ZNF385B: variants seen among roughly 807,000 people sequenced by gnomAD.
ZNF385B encodes the protein zinc finger protein 385B, also known as zinc finger protein 533.
A neutral mutation model predicts 39.2 loss-of-function variants in ZNF385B; 23 were observed. That is an observed-to-expected ratio of 0.59 (90% CI 0.42 to 0.83). ZNF385B has a LOEUF of 0.83. Among genes scored for constraint, ZNF385B ranks in the 40% least tolerant of loss-of-function variants. ZNF385B has a pLI of 0.00. For synonymous variants in ZNF385B, 205 were observed against 222.6 expected (o/e 0.92, Z 0.70); for missense variants, 552 against 598.9 (o/e 0.92, Z 0.82).
At chr2:179,733,314 C>T (rs1356207239) in intron 3 of ZNF385B, among the ~76,000 whole-genome samples, 1 of 152,206 alleles carries the variant, frequency 6.6e-6, no homozygotes, top group African/African-American at 2.4e-5. Context: ...TTTTCCCATC[C>T]ATTAACTGTG....
intron 3 of ZNF385B, among the ~76,000 whole-genome samples, chr2:179,626,328 A>T (rs1339152788): frequency 1.3e-5 from 2 of 152,178 alleles, no homozygotes. Flanking sequence ...GGGTAAAACT[A>T]TTCTTTTAAA....
At chr2:179,855,933 G>A (rs1684558236) in intron 1 of ZNF385B, among the ~76,000 whole-genome samples, 1 of 152,144 alleles carries the variant, frequency 6.6e-6, no homozygotes, top group Admixed American at 6.5e-5. Context: ...CAAATCTGGT[G>A]GTGAGTGGCT....
Position 179,503,156 on chromosome 2 carries a change from T to C in ZNF385B, c.552+15372A>G, listed in dbSNP as rs1281896493. 2.0e-5 allele frequency among the ~76,000 whole-genome samples: 3 copies of C among 152,346 alleles called. No individual in the cohort carries two copies. In the East Asian group the frequency reaches 5.8e-4, roughly 29 times the overall value. The stretch of plus-strand genomic sequence containing the variant: ...TCCCCAAGTGTTGGGAAGACAGGCA[T>C]GAGCCACTGTGCCTGGTAAGAATTA... On this transcript the variant is annotated intron_variant, in intron 5 of 9. Coordinates refer to ENST00000410066, the MANE Select transcript of ZNF385B (RefSeq NM_152520.6).
chr2:179,498,904 C>T lies in ZNF385B; in HGVS notation c.553-15470G>A, dbSNP rs1012006661. 5.3e-5 allele frequency among the ~76,000 whole-genome samples: 8 copies of T among 151,476 alleles called. No individual in the cohort carries two copies. In the East Asian group the frequency reaches 9.7e-4, roughly 18 times the overall value. On this transcript the variant is annotated intron_variant, in intron 5 of 9. Coordinates refer to ENST00000410066, the MANE Select transcript of ZNF385B (RefSeq NM_152520.6). The stretch of plus-strand genomic sequence containing the variant: ...AAAAATTTGACTTTGAAAAATGTTA[C>T]GGAAAATTGGCAAACATTTAGCCAT...
chr2:179,808,352 T>C (rs1706527116), intron 1 of ZNF385B, among the ~76,000 whole-genome samples: 1 of 152,134 alleles, frequency 6.6e-6, no homozygotes, highest in South Asian at 2.1e-4. Flanking sequence ...ATATGATACA[T>C]GCATGCAAAG....
At chr2:179,559,932 C>G (rs983543851) in intron 3 of ZNF385B, among the ~76,000 whole-genome samples, 5 of 152,116 alleles carry the variant, frequency 3.3e-5, no homozygotes, top group Admixed American at 6.6e-5. Flanking sequence ...ATATTCCCCT[C>G]TCTCCCACAG....
chr2:179,804,927 C>T (rs1706255506), intron 1 of ZNF385B, among the ~76,000 whole-genome samples: 1 of 152,118 alleles, frequency 6.6e-6, no homozygotes, highest in Non-Finnish European at 1.5e-5. Flanking sequence ...GGAGCAATGC[C>T]CTCTGTCATT....
chr2:179,682,020 T>C (rs1697559094), intron 3 of ZNF385B, among the ~76,000 whole-genome samples: 1 of 152,200 alleles, frequency 6.6e-6, no homozygotes, highest in Admixed American at 6.5e-5. Context: ...TCAAATCGTG[T>C]CCTCAACCAG....
chr2:179,798,185 TA>T (rs1705797773), intron 1 of ZNF385B, among the ~76,000 whole-genome samples: 1 of 152,030 alleles, frequency 6.6e-6, no homozygotes, highest in Non-Finnish European at 1.5e-5. Context: ...CATCTTTGGT[TA>T]GTAAGAGCCT....
intron 3 of ZNF385B, among the ~76,000 whole-genome samples, chr2:179,572,924 T>C (rs530702235): frequency 7.2e-5 from 11 of 152,308 alleles, no homozygotes; most frequent in Admixed American, 6.5e-4. Context: ...TCATTTATAA[T>C]TCCTCTGTCA....
chr2:179,703,244 A>G (rs934751532), intron 3 of ZNF385B, among the ~76,000 whole-genome samples: 7 of 152,112 alleles, frequency 4.6e-5, no homozygotes, highest in Non-Finnish European at 8.8e-5. Context: ...TCTGATATGC[A>G]CCTGCCTCAA....
At chr2:179,601,375 T>C (rs1016038349) in intron 3 of ZNF385B, among the ~76,000 whole-genome samples, 3 of 152,198 alleles carry the variant, frequency 2.0e-5, no homozygotes, top group African/African-American at 7.2e-5. Flanking sequence ...TTCTTGGTTA[T>C]AATATAGGAT....
intron 3 of ZNF385B, among the ~76,000 whole-genome samples, chr2:179,575,689 A>T (rs1250497936): frequency 2.0e-5 from 3 of 152,144 alleles, no homozygotes; most frequent in Non-Finnish European, 4.4e-5. Context: ...AAAGAAAGCA[A>T]AAGGGAGGAA....
intron 1 of ZNF385B, among the ~76,000 whole-genome samples, chr2:179,829,948 T>C (rs1559232372): frequency 6.6e-6 from 1 of 152,148 alleles, no homozygotes; most frequent in Admixed American, 6.6e-5. Flanking sequence ...AAACCAGAGA[T>C]TGGAAGAAAA....
rs200565819 is a variant in ZNF385B at position 179,493,241 on chromosome 2, A to G, written c.553-9807T>C. On this transcript the variant is annotated intron_variant, in intron 5 of 9. Transcript: ENST00000410066. ...TCATGTAATAGGTGTTTCAGAAGAC[A>G]TGCTTTGTGACTTCTAGGAGCTTAT... Among the ~76,000 whole-genome samples, 6 of 152,208 alleles carry G rather than the reference A, an allele frequency of 3.9e-5. No homozygotes were observed. In the East Asian group the frequency reaches 5.8e-4, roughly 15 times the overall value.
chr2:179,541,898 C>T (rs913303211), intron 4 of ZNF385B, among the ~76,000 whole-genome samples: 11 of 152,156 alleles, frequency 7.2e-5, no homozygotes, highest in South Asian at 4.2e-4. Flanking sequence ...GTAAAGAGCC[C>T]GAATATGAAT....
At position 179,549,690 on chromosome 2, in the gene ZNF385B, T is replaced by A. The variant is rs575896698; in HGVS notation, c.299-4721A>T. On this transcript the variant is annotated intron_variant, in intron 3 of 9. Coordinates refer to ENST00000410066, the MANE Select transcript of ZNF385B (RefSeq NM_152520.6). Reference sequence around the variant, plus strand: ...CATATTTCAAATCGTTCCAGAACATTATTGGCAATAGTGTTTAATGGACTG... The same window carrying A: ...CATATTTCAAATCGTTCCAGAACATAATTGGCAATAGTGTTTAATGGACTG... Among the ~76,000 whole-genome samples the A allele has an allele frequency of 2.7e-5, 4 of 149,652 alleles. 1 individual carries two copies. Among genetic ancestry groups the A allele is most frequent in the African/African-American group, 1.0e-4 (4 of 39,834 alleles).
At chr2:179,613,948 G>A (rs1689512865) in intron 3 of ZNF385B, among the ~76,000 whole-genome samples, 1 of 148,994 alleles carries the variant, frequency 6.7e-6, no homozygotes, top group Non-Finnish European at 1.5e-5. Context: ...TCCCTCCTTG[G>A]GCGCCAGCTG....
chr2:179,807,890 G>A (rs1258976630), intron 1 of ZNF385B, among the ~76,000 whole-genome samples: 3 of 126,880 alleles, frequency 2.4e-5, no homozygotes, highest in African/African-American at 5.6e-5. Context: ...GCGAGACTCC[G>A]TCTGAAAGAA....
Sources: allele counts gnomAD v4.1 joint callset (sites outside exome capture counted in the v4.1 genomes callset), GRCh38; gene constraint gnomAD v4.1.1; transcripts MANE v1.5; gene names NCBI Gene and HGNC (gene_info 2026-07-23, HGNC 2026-07-21).